MED23: variants seen among roughly 807,000 people sequenced by gnomAD.
The protein encoded by MED23 is mediator of RNA polymerase II transcription subunit 23.
Under a neutral mutation model 163.9 loss-of-function variants are expected in MED23, and 105 were observed. That is an observed-to-expected ratio of 0.64 (90% CI 0.55 to 0.75). MED23 has a LOEUF of 0.75. MED23 is among the 30% of genes least tolerant of loss of function. The pLI is 0.00. For missense variants in MED23, 1,054 were observed against 1,649.0 expected, an observed-to-expected ratio of 0.64 and a Z score of 6.25; for synonymous variants, 561 against 565.6, an observed-to-expected ratio of 0.99 and a Z score of 0.12.
chr6:131,607,728 A>G (rs1015529689), intron 12 of MED23, among the ~76,000 whole-genome samples, 200 bp downstream of exon 12: 3 of 152,234 alleles, frequency 2.0e-5, no homozygotes, highest in African/African-American at 7.2e-5. Flanking sequence ...TCAATGATGT[A>G]TATAGATTAA....
intron 4 of MED23, among the ~76,000 whole-genome samples, chr6:131,624,484 A>G (rs1012343297): frequency 6.6e-6 from 1 of 152,206 alleles, no homozygotes; most frequent in Admixed American, 6.5e-5. Flanking sequence ...CACATTGATC[A>G]CAATCATTAT....
exon 31 of MED23, chr6:131,574,135 C>T (rs375503255): frequency 5.2e-5 from 45 of 859,582 alleles, no homozygotes; most frequent in South Asian, 5.0e-4. Flanking sequence ...GACTTCAACA[C>T]GCATCTGTGC....
rs1775242367 is a variant in MED23 at position 131,598,561 on chromosome 6, G to A, written c.2421C>T (p.Gly807=). Residue 807 remains glycine (G), a synonymous_variant, in exon 19 of 29, where the codon GGC becomes GGT. Transcript: ENST00000368068. This position sits in a 1 kb window ranked among gnomAD's most constrained non-coding sequence, Gnocchi z 4.7. ...LLETDHINQI[G]YRVLERIGAR... is the part of the protein sequence containing the mutation. ...AAATTAGGTTTTTGACTTACCTATA[G>A]CCAATCTGATTAATATGATCTGTTT... The A allele has an allele frequency of 6.2e-7, 1 of 1,614,008 alleles. No individual in the cohort carries two copies. The highest frequency in any genetic ancestry group is 2.2e-5 in the East Asian group (1 of 44,850).
At position 131,587,603 on chromosome 6, in the gene MED23, G is replaced by T. The variant is rs1050562229; in HGVS notation, c.*76C>A. On this transcript the variant is annotated 3_prime_UTR_variant, in exon 29 of 29. Transcript: ENST00000368068. ...TCTACTATATCACTACAGTGTGATC[G>T]CATTCAGATTTAAAAGGTTTGAGTC... 1 of 1,605,354 alleles carries T rather than the reference G, an allele frequency of 6.2e-7. No individual in the cohort carries two copies. The highest frequency in any genetic ancestry group is 8.5e-7 in the Non-Finnish European group (1 of 1,175,566).
At chr6:131,602,606 G>A (rs573537060) in intron 16 of MED23, among the ~76,000 whole-genome samples, 5 of 152,024 alleles carry the variant, frequency 3.3e-5, no homozygotes, top group African/African-American at 4.8e-5. Context: ...ATGGCTTGTC[G>A]CCTATAGGAC....
At chr6:131,612,258 CT>C (rs1261731453) in intron 10 of MED23, among the ~76,000 whole-genome samples, 2 of 150,536 alleles carry the variant, frequency 1.3e-5, no homozygotes, top group Non-Finnish European at 3.0e-5. Context: ...AAATATGTTG[CT>C]TTATCTGCAA....
intron 10 of MED23, chr6:131,615,203 C>A: frequency 9.3e-7 from 1 of 1,069,712 alleles, no homozygotes; most frequent in Non-Finnish European, 1.4e-6. Context: ...TGGCCTTGGT[C>A]TCAGCATGGT....
At chr6:131,579,064 T>C (rs1421591928) in intron 30 of MED23, 1 of 1,600,290 alleles carries the variant, frequency 6.2e-7, no homozygotes, top group Non-Finnish European at 8.6e-7. Flanking sequence ...ACAGACTGAT[T>C]TATAATCTAC....
At chr6:131,619,770 A>T (rs948716049) in intron 8 of MED23, 57 bp downstream of exon 8, 2 of 1,305,994 alleles carry the variant, frequency 1.5e-6, no homozygotes, top group Admixed American at 3.4e-5. Flanking sequence ...GCTTTGTTCA[A>T]TAATTAGATT....
chr6:131,594,892 C>G (rs1034147661), intron 22 of MED23, among the ~76,000 whole-genome samples: 21 of 152,156 alleles, frequency 1.4e-4, no homozygotes, highest in Admixed American at 1.1e-3. Flanking sequence ...ACACTGGCTG[C>G]CTACGAAAGA....
intron 3 of MED23, among the ~76,000 whole-genome samples, chr6:131,625,489 G>A (rs930722735): frequency 2.0e-5 from 3 of 152,064 alleles, no homozygotes; most frequent in Admixed American, 1.3e-4. Flanking sequence ...CTTTAAATAC[G>A]ATGTCAAAAT....
chr6:131,616,761 C>A (rs927404513), intron 9 of MED23, among the ~76,000 whole-genome samples: 8 of 152,112 alleles, frequency 5.3e-5, no homozygotes, highest in Admixed American at 1.3e-4. Flanking sequence ...GTTGAGGGTG[C>A]GGTGAGCTGT....
downstream of MED23, chr6:131,583,697 T>C (rs1774056690): frequency 6.3e-7 from 1 of 1,595,016 alleles, no homozygotes. Context: ...ACTTTCAAAA[T>C]GTCAACTATT....
intron 30 of MED23, among the ~76,000 whole-genome samples, chr6:131,577,118 T>C (rs888391601): frequency 2.6e-5 from 4 of 152,206 alleles, no homozygotes; most frequent in Non-Finnish European, 1.5e-5. Flanking sequence ...ACAGTAATAA[T>C]GATAATAACA....
At chr6:131,604,367 T>C in intron 14 of MED23, 47 bp from the exon 15 acceptor site, 1 of 1,582,562 alleles carries the variant, frequency 6.3e-7, no homozygotes, top group Non-Finnish European at 8.7e-7. Context: ...ATTTTTGACA[T>C]AAACATAGGG....
In MED23 at chr6:131,603,224, TA is replaced by T. The variant is rs758694530; in HGVS notation, c.1757-21del. 1 of 1,611,836 alleles carries T rather than the reference TA, an allele frequency of 6.2e-7. No individual in the cohort carries two copies. The highest frequency in any genetic ancestry group is 2.2e-5 in the East Asian group (1 of 44,836). The stretch of plus-strand genomic sequence containing the variant: ...GCTGACCTGGAGGAAAAAGACAATT[TA>T]AGGTACCAATTATTAAAGGCTATGC... On this transcript the variant is annotated intron_variant, in intron 15 of 28. Transcript: ENST00000368068.
intron 30 of MED23, chr6:131,579,477 AAT>A: frequency 1.8e-6 from 1 of 554,414 alleles, no homozygotes; most frequent in Non-Finnish European, 3.1e-6. Flanking sequence ...GAAGTCTTAC[AAT>A]ATCTGTATTT....
chr6:131,600,200 G>A (rs370286847), intron 17 of MED23, 38 bp from the exon 18 acceptor site: 21 of 1,523,460 alleles, frequency 1.4e-5, no homozygotes, highest in African/African-American at 2.7e-5. Flanking sequence ...AGATATAAAT[G>A]ATTATATCCA....
chr6:131,615,210 T>C (rs1395646365), intron 10 of MED23: 7 of 1,201,578 alleles, frequency 5.8e-6, no homozygotes, highest in South Asian at 2.7e-5. Flanking sequence ...GGTCTCAGCA[T>C]GGTCCTGCCA....
Sources: allele counts gnomAD v4.1 joint callset (sites outside exome capture counted in the v4.1 genomes callset), GRCh38; gene constraint gnomAD v4.1.1; non-coding constraint Gnocchi (gnomAD v3.1); transcripts MANE v1.5; gene names NCBI Gene and HGNC (gene_info 2026-07-23, HGNC 2026-07-21).